Variants in MECOM observed in about 807,000 individuals in gnomAD.
The protein encoded by MECOM is MDS1 and EVI1 complex locus, also known as histone-lysine N-methyltransferase MECOM.
A neutral mutation model predicts 116.3 loss-of-function variants in MECOM; 13 were observed. The ratio of observed to expected loss-of-function variants is 0.11; its 90% CI spans 0.07 to 0.18. The LOEUF is 0.18. Ranked by LOEUF, MECOM falls within the 10% of genes least tolerant of loss-of-function variation. MECOM has a pLI of 1.00. For synonymous variants in MECOM, 528 were observed against 535.2 expected (o/e 0.99, Z 0.19); for missense variants, 1,299 against 1,509.0 (o/e 0.86, Z 2.31).
At chr3:169,465,245 T>G (rs1748095527) in intron 1 of MECOM, among the ~76,000 whole-genome samples, 1 of 152,214 alleles carries the variant, frequency 6.6e-6, no homozygotes, top group Non-Finnish European at 1.5e-5. Flanking sequence ...GCTTTGTCAC[T>G]AATTAGCCGT....
intron 2 of MECOM, among the ~76,000 whole-genome samples, chr3:169,347,424 C>A (rs1474454783): frequency 6.6e-6 from 1 of 151,942 alleles, no homozygotes; most frequent in Non-Finnish European, 1.5e-5. Flanking sequence ...TGTGTGCATG[C>A]ATTTTCCTGT....
intron 2 of MECOM, among the ~76,000 whole-genome samples, chr3:169,270,425 A>G (rs1758803676): frequency 6.6e-6 from 1 of 152,050 alleles, no homozygotes; most frequent in South Asian, 2.1e-4. Context: ...GCAATTTATA[A>G]TATTTATGTA....
At chr3:169,376,748 A>C (rs192124413) in intron 2 of MECOM, among the ~76,000 whole-genome samples, 1 of 152,206 alleles carries the variant, frequency 6.6e-6, no homozygotes, top group Non-Finnish European at 1.5e-5. Flanking sequence ...AATTGGCCAT[A>C]CTGCTCAAAG....
At chr3:169,129,629 C>T (rs773907340) in intron 4 of MECOM, among the ~76,000 whole-genome samples, 1 of 152,090 alleles carries the variant, frequency 6.6e-6, no homozygotes, top group Non-Finnish European at 1.5e-5. Flanking sequence ...TTAGGAGAAA[C>T]ATTTCCTATA....
chr3:169,337,184 G>T (rs547058687), intron 2 of MECOM, among the ~76,000 whole-genome samples: 17 of 152,234 alleles, frequency 1.1e-4, no homozygotes, highest in Non-Finnish European at 2.2e-4. Context: ...AGACCTAAGG[G>T]TTGGGTAGGG....
intron 1 of MECOM, among the ~76,000 whole-genome samples, chr3:169,410,312 T>C (rs761961634): frequency 1.3e-5 from 2 of 152,216 alleles, no homozygotes; most frequent in Non-Finnish European, 2.9e-5. Context: ...TGTTCAGTAG[T>C]TTTTAAAATA....
intron 2 of MECOM, among the ~76,000 whole-genome samples, chr3:169,372,811 C>T (rs1415995693): frequency 2.6e-5 from 4 of 151,856 alleles, no homozygotes; most frequent in Admixed American, 6.6e-5. Context: ...ATTATTATTC[C>T]TACGTGACAT....
rs371300589 is a variant in MECOM, at chr3:169,418,427, C to T, written c.38-36903G>A. ...GGCCAGCATCATCCTGATACAAAAA[C>T]CTGGTAGAGACACAACAAAAAAACA... On this transcript the variant is annotated intron_variant, in intron 1 of 16. Transcript: ENST00000651503. Among the ~76,000 whole-genome samples the T allele has an allele frequency of 1.1e-4, 17 of 152,140 alleles. No homozygotes were observed. The East Asian group carries it at 3.3e-3, about 29-fold the overall frequency.
chr3:169,319,841 T>G (rs945568898), intron 2 of MECOM, among the ~76,000 whole-genome samples: 7 of 152,142 alleles, frequency 4.6e-5, no homozygotes, highest in African/African-American at 1.7e-4. Flanking sequence ...GACACATGGG[T>G]GATAGAACCT....
chr3:169,355,313 A>G (rs1313885546), intron 2 of MECOM, among the ~76,000 whole-genome samples: 1 of 151,984 alleles, frequency 6.6e-6, no homozygotes, highest in Non-Finnish European at 1.5e-5. Flanking sequence ...ACAGTTTCTC[A>G]TTGTATGTTA....
intron 1 of MECOM, among the ~76,000 whole-genome samples, chr3:169,453,493 A>G (rs116612217): frequency 0.016 from 2,486 of 152,332 alleles, 71 homozygotes; most frequent in African/African-American, 0.058. Context: ...ATGGCTTGGC[A>G]TTAGGGACAT....
intron 1 of MECOM, among the ~76,000 whole-genome samples, chr3:169,432,009 T>C (rs1041345282): frequency 6.6e-6 from 1 of 152,096 alleles, no homozygotes; most frequent in African/African-American, 2.4e-5. Context: ...CCTTTTTTTT[T>C]TTCACATTGT....
At chr3:169,135,231 T>TA (rs997983609) in intron 3 of MECOM, among the ~76,000 whole-genome samples, 5 of 152,004 alleles carry the variant, frequency 3.3e-5, no homozygotes, top group African/African-American at 1.2e-4. Context: ...ATAAAACAGT[T>TA]AATAATGGGT....
At position 169,413,465 on chromosome 3, in the gene MECOM, G is replaced by A. The variant is rs570708875; in HGVS notation, c.38-31941C>T. Among the ~76,000 whole-genome samples, 40 of 145,456 alleles carry A rather than the reference G, an allele frequency of 2.7e-4. No individual in the cohort carries two copies. The South Asian group carries it at 3.8e-3, about 14-fold the overall frequency. ...ACACCAAGCTAGCTGCTAGCTGCAG[G>A]AGTTTTTTTTTTGTTTTTTTTTTTA... On this transcript the variant is annotated intron_variant, in intron 1 of 16. Coordinates refer to ENST00000651503, the MANE Select transcript of MECOM (RefSeq NM_004991.4).
At chr3:169,281,310 T>A (rs1259899812) in intron 2 of MECOM, among the ~76,000 whole-genome samples, 1 of 152,174 alleles carries the variant, frequency 6.6e-6, no homozygotes, top group Non-Finnish European at 1.5e-5. Context: ...GGGACCCTGG[T>A]TAAGTCACTT....
chr3:169,162,991 G>A (rs1379883872), intron 2 of MECOM, among the ~76,000 whole-genome samples: 1 of 151,576 alleles, frequency 6.6e-6, no homozygotes, highest in Non-Finnish European at 1.5e-5. Flanking sequence ...TAACAACCAA[G>A]GACTTTATAT....
At chr3:169,327,531 G>A (rs771670675) in intron 2 of MECOM, among the ~76,000 whole-genome samples, 10 of 151,458 alleles carry the variant, frequency 6.6e-5, no homozygotes, top group Non-Finnish European at 1.0e-4. Flanking sequence ...TCAGTCACTC[G>A]GGAGGCTGAG....
chr3:169,583,694 C>A (rs1765390165), intron 1 of MECOM, among the ~76,000 whole-genome samples: 1 of 151,798 alleles, frequency 6.6e-6, no homozygotes, highest in African/African-American at 2.4e-5. Flanking sequence ...CACTGTGTCA[C>A]CCAGATTGGA....
At chr3:169,290,905 T>C (rs1307055016) in intron 2 of MECOM, among the ~76,000 whole-genome samples, 1 of 152,066 alleles carries the variant, frequency 6.6e-6, no homozygotes, top group Non-Finnish European at 1.5e-5. Context: ...ATGAAAAAAA[T>C]TGCAATTTTT....
Sources: allele counts gnomAD v4.1 joint callset (sites outside exome capture counted in the v4.1 genomes callset), GRCh38; gene constraint gnomAD v4.1.1; transcripts MANE v1.5; gene names NCBI Gene and HGNC (gene_info 2026-07-23, HGNC 2026-07-21).